Variants in CNTN5 observed in about 807,000 individuals in gnomAD.
CNTN5 encodes the protein contactin 5, also known as contactin-5.
In CNTN5, 77 loss-of-function variants were observed where a neutral mutation model predicts 129.1. The observed-to-expected ratio is 0.60, with a 90% CI of 0.50 to 0.72. The LOEUF is 0.72. Among genes scored for constraint, CNTN5 ranks in the 30% least tolerant of loss-of-function variants. The pLI, the probability that CNTN5 is intolerant of heterozygous loss-of-function variation, is 0.00. For synonymous variants in CNTN5, 509 were observed against 465.6 expected, an observed-to-expected ratio of 1.09 and a Z score of -1.20; for missense variants, 1,478 against 1,328.8, an observed-to-expected ratio of 1.11 and a Z score of -1.75.
At chr11:100,253,923 CTT>C (rs5794046) in intron 16 of CNTN5, among the ~76,000 whole-genome samples, 8,446 of 152,132 alleles carry the variant, frequency 0.056, 780 homozygotes, top group African/African-American at 0.19. Flanking sequence ...AATTCCTACT[CTT>C]ATATTTTCCT....
intron 1 of CNTN5, among the ~76,000 whole-genome samples, chr11:99,052,013 G>A (rs1864445152): frequency 6.6e-6 from 1 of 151,798 alleles, no homozygotes; most frequent in African/African-American, 2.4e-5. Flanking sequence ...GTTCAGTAGA[G>A]AAAATACAAT....
At chr11:100,139,806 G>A (rs1946635999) in intron 13 of CNTN5, among the ~76,000 whole-genome samples, 1 of 152,128 alleles carries the variant, frequency 6.6e-6, no homozygotes, top group Admixed American at 6.5e-5. Flanking sequence ...GGAGGCTGCG[G>A]TGAGCTGAGA....
intron 2 of CNTN5, among the ~76,000 whole-genome samples, chr11:99,429,483 C>A (rs1943271561): frequency 6.6e-6 from 1 of 152,026 alleles, no homozygotes; most frequent in African/African-American, 2.4e-5. Context: ...AGGTGAAAAT[C>A]AGATAGCAAA....
chr11:99,698,496 T>A (rs1309103018), intron 3 of CNTN5, among the ~76,000 whole-genome samples: 1 of 151,524 alleles, frequency 6.6e-6, no homozygotes, highest in African/African-American at 2.4e-5. Context: ...CCTTTTTGGG[T>A]CAAATGCATT....
intron 16 of CNTN5, among the ~76,000 whole-genome samples, chr11:100,232,959 T>C (rs1348520928): frequency 6.6e-6 from 1 of 152,096 alleles, no homozygotes; most frequent in Non-Finnish European, 1.5e-5. Context: ...AAAAACAATA[T>C]GAAAAACGTA....
chr11:99,676,166 C>T (rs2135960413), intron 3 of CNTN5, among the ~76,000 whole-genome samples: 1 of 152,254 alleles, frequency 6.6e-6, no homozygotes, highest in African/African-American at 2.4e-5. Flanking sequence ...GATTTTATTA[C>T]ATAATTTTCA....
At chr11:99,145,571 C>A (rs1859742400) in intron 1 of CNTN5, among the ~76,000 whole-genome samples, 1 of 152,090 alleles carries the variant, frequency 6.6e-6, no homozygotes, top group Admixed American at 6.6e-5. Context: ...CCAGTCAATT[C>A]TCAGTAACAA....
intron 3 of CNTN5, among the ~76,000 whole-genome samples, chr11:99,717,586 C>G (rs912009756): frequency 2.6e-5 from 4 of 151,904 alleles, no homozygotes; most frequent in Non-Finnish European, 5.9e-5. Flanking sequence ...AACAGGTGTT[C>G]CGAATCAAGC....
intron 6 of CNTN5, among the ~76,000 whole-genome samples, chr11:99,908,118 T>C (rs1949558639): frequency 6.6e-6 from 1 of 151,996 alleles, no homozygotes; most frequent in African/African-American, 2.4e-5. Flanking sequence ...TACAAGTGTT[T>C]TTGTTTTTTT....
intron 3 of CNTN5, among the ~76,000 whole-genome samples, chr11:99,698,093 T>C (rs1315991179): frequency 1.3e-5 from 2 of 151,456 alleles, no homozygotes; most frequent in Non-Finnish European, 3.0e-5. Context: ...AATAAGATTT[T>C]TTTTTACTAC....
intron 18 of CNTN5, among the ~76,000 whole-genome samples, chr11:100,296,631 T>C (rs1951105051): frequency 6.6e-6 from 1 of 151,558 alleles, no homozygotes; most frequent in South Asian, 2.1e-4. Flanking sequence ...TGGAGCCAAT[T>C]ATATATTCAC....
intron 3 of CNTN5, among the ~76,000 whole-genome samples, chr11:99,575,870 T>C (rs1425297862): frequency 2.0e-5 from 3 of 151,874 alleles, no homozygotes; most frequent in African/African-American, 4.8e-5. Flanking sequence ...AGTTAGAGAG[T>C]AGATTTCTGT....
intron 13 of CNTN5, among the ~76,000 whole-genome samples, chr11:100,117,620 T>C (rs1054281192): frequency 6.6e-6 from 1 of 151,898 alleles, no homozygotes; most frequent in Non-Finnish European, 1.5e-5. Flanking sequence ...CTTCACCACC[T>C]GAAAATCTCT....
chr11:99,103,114 T>C (rs944240300), intron 1 of CNTN5, among the ~76,000 whole-genome samples: 1 of 152,066 alleles, frequency 6.6e-6, no homozygotes, highest in African/African-American at 2.4e-5. Flanking sequence ...TTCACTACCA[T>C]GAGACCAGTA....
At chr11:99,319,696 T>A (rs897400079) in intron 1 of CNTN5, among the ~76,000 whole-genome samples, 3 of 152,200 alleles carry the variant, frequency 2.0e-5, no homozygotes, top group East Asian at 1.9e-4. Flanking sequence ...GTAAATTTTT[T>A]AAATTTATAT....
chr11:100,151,622 G>A (rs927010423), intron 13 of CNTN5, among the ~76,000 whole-genome samples: 3 of 152,094 alleles, frequency 2.0e-5, no homozygotes, highest in Non-Finnish European at 4.4e-5. Context: ...ACCAACTTAA[G>A]TGTCTTCAAT....
chr11:99,107,557 A>G (rs1591201560), intron 1 of CNTN5, among the ~76,000 whole-genome samples: 2 of 152,092 alleles, frequency 1.3e-5, no homozygotes, highest in African/African-American at 4.8e-5. Context: ...AGGATATATT[A>G]TATTAACTAA....
chr11:100,229,326 T>C (rs1347626532), intron 16 of CNTN5, among the ~76,000 whole-genome samples: 2 of 152,214 alleles, frequency 1.3e-5, no homozygotes, highest in Non-Finnish European at 2.9e-5. Context: ...CATCATAAGA[T>C]AGATAATGTT....
intron 1 of CNTN5, among the ~76,000 whole-genome samples, chr11:99,162,413 C>T (rs929373930): frequency 6.6e-6 from 1 of 152,050 alleles, no homozygotes; most frequent in African/African-American, 2.4e-5. Context: ...AGGCAATAAA[C>T]CTAAGCATGA....
Sources: allele counts gnomAD v4.1 joint callset (sites outside exome capture counted in the v4.1 genomes callset), GRCh38; gene constraint gnomAD v4.1.1; transcripts MANE v1.5; gene names NCBI Gene and HGNC (gene_info 2026-07-23, HGNC 2026-07-21).